Variants in PTPRD observed in about 807,000 individuals in gnomAD.
PTPRD encodes receptor-type tyrosine-protein phosphatase delta.
In PTPRD, 34 loss-of-function variants were observed where a neutral mutation model predicts 214.5. The ratio of observed to expected loss-of-function variants is 0.16; its 90% CI spans 0.12 to 0.21. The LOEUF (loss-of-function observed/expected upper bound fraction) is 0.21, where lower values mean the gene tolerates loss of function less well. Among genes scored for constraint, PTPRD ranks in the 10% least tolerant of loss-of-function variants. The pLI is 1.00. For missense variants in PTPRD, 2,545 were observed against 2,398.7 expected, an observed-to-expected ratio of 1.06 and a Z score of -1.27; for synonymous variants, 1,128 against 845.7, an observed-to-expected ratio of 1.33 and a Z score of -5.79.
intron 9 of PTPRD, among the ~76,000 whole-genome samples, chr9:9,198,851 G>A (rs1403850917): frequency 6.6e-6 from 1 of 152,132 alleles, no homozygotes; most frequent in Non-Finnish European, 1.5e-5. Flanking sequence ...TAGATGAACA[G>A]AACTTCTTAA....
chr9:8,534,439 G>A (rs2076431534), intron 14 of PTPRD, among the ~76,000 whole-genome samples: 2 of 151,786 alleles, frequency 1.3e-5, no homozygotes, highest in Admixed American at 1.3e-4. Flanking sequence ...TCACTGACAG[G>A]AATACAGATT....
chr9:9,058,921 T>C (rs1053464800), intron 10 of PTPRD, among the ~76,000 whole-genome samples: 1 of 152,082 alleles, frequency 6.6e-6, no homozygotes, highest in Non-Finnish European at 1.5e-5. Flanking sequence ...ATAATACATT[T>C]ATAGTGGAAT....
chr9:8,436,745 C>G, intron 34 of PTPRD, 56 bp from the exon 35 acceptor site: 4 of 1,356,682 alleles, frequency 2.9e-6, no homozygotes, highest in Non-Finnish European at 4.2e-6. Context: ...ATGATGCTAA[C>G]TATTCCAAAA....
chr9:9,000,053 T>G (rs964240548), intron 11 of PTPRD, among the ~76,000 whole-genome samples: 3 of 152,022 alleles, frequency 2.0e-5, no homozygotes, highest in African/African-American at 4.8e-5. Context: ...ATGCTGCTTT[T>G]ATGGGTAACT....
intron 8 of PTPRD, among the ~76,000 whole-genome samples, chr9:9,462,332 G>A (rs568744540): frequency 6.6e-6 from 1 of 152,102 alleles, no homozygotes; most frequent in Non-Finnish European, 1.5e-5. Flanking sequence ...ACATTCATTT[G>A]AAATGTGAAA....
intron 7 of PTPRD, among the ~76,000 whole-genome samples, chr9:9,606,511 G>A (rs565194054): frequency 3.9e-5 from 6 of 151,976 alleles, no homozygotes; most frequent in South Asian, 2.1e-4. Flanking sequence ...CTTGTATGGC[G>A]ATCTCCCAAT....
chr9:9,913,765 G>C (rs928160777), intron 5 of PTPRD, among the ~76,000 whole-genome samples: 3 of 152,126 alleles, frequency 2.0e-5, no homozygotes, highest in Admixed American at 6.6e-5. Context: ...AACCAGTTTA[G>C]AGAATTGCTG....
chr9:8,689,197 C>A (rs1328615085), intron 12 of PTPRD, among the ~76,000 whole-genome samples: 2 of 151,934 alleles, frequency 1.3e-5, no homozygotes, highest in Non-Finnish European at 2.9e-5. Flanking sequence ...CTAATTGATA[C>A]CAATATCATT....
At chr9:10,034,630 A>G (rs1420923407) in intron 3 of PTPRD, among the ~76,000 whole-genome samples, 2 of 151,896 alleles carry the variant, frequency 1.3e-5, no homozygotes, top group South Asian at 2.1e-4. Context: ...GTGTGTCCAT[A>G]TGTTCTCACC....
intron 2 of PTPRD, among the ~76,000 whole-genome samples, chr9:10,350,777 C>T (rs1487593435): frequency 2.0e-5 from 3 of 152,150 alleles, no homozygotes; most frequent in Admixed American, 2.0e-4. Context: ...TACATTCCAT[C>T]ATAAAGCTAA....
At chr9:9,501,564 T>C (rs1010733757) in intron 8 of PTPRD, among the ~76,000 whole-genome samples, 4 of 151,906 alleles carry the variant, frequency 2.6e-5, no homozygotes, top group Non-Finnish European at 4.4e-5. Context: ...AACAATCTTG[T>C]TCTAGTTAAT....
At chr9:9,517,215 C>A (rs529290871) in intron 8 of PTPRD, among the ~76,000 whole-genome samples, 1 of 152,168 alleles carries the variant, frequency 6.6e-6, no homozygotes, top group South Asian at 2.1e-4. Context: ...TAAGGAGACT[C>A]TCTGTGTATC....
intron 9 of PTPRD, among the ~76,000 whole-genome samples, chr9:9,342,801 G>T (rs2047324534): frequency 6.6e-6 from 1 of 151,772 alleles, no homozygotes; most frequent in Non-Finnish European, 1.5e-5. Context: ...ATGGTGGTTT[G>T]CTGCACCCAT....
At chr9:10,598,130 G>T (rs2077030960) in intron 2 of PTPRD, among the ~76,000 whole-genome samples, 1 of 148,492 alleles carries the variant, frequency 6.7e-6, no homozygotes, top group South Asian at 2.2e-4. Flanking sequence ...TTTTCTAAAT[G>T]TAGAAGATAA....
intron 7 of PTPRD, among the ~76,000 whole-genome samples, chr9:9,722,426 A>G (rs1209094539): frequency 6.6e-6 from 1 of 152,118 alleles, no homozygotes; most frequent in African/African-American, 2.4e-5. Context: ...TTGGAAAAAT[A>G]GCATTGTAAA....
chr9:8,839,807 G>C (rs1045767165), intron 11 of PTPRD, among the ~76,000 whole-genome samples: 1 of 151,460 alleles, frequency 6.6e-6, no homozygotes, highest in Non-Finnish European at 1.5e-5. Flanking sequence ...CCCAACAAAA[G>C]ACAAACAGAC....
intron 34 of PTPRD, among the ~76,000 whole-genome samples, chr9:8,439,033 T>C (rs2095453623): frequency 1.3e-5 from 2 of 152,218 alleles, no homozygotes; most frequent in Admixed American, 6.5e-5. Flanking sequence ...TATACATATA[T>C]GTATCACATG....
In PTPRD at chr9:10,256,410, AT is replaced by A. The variant is rs569397928; in HGVS notation, c.-545+84552del. On this transcript the variant is annotated intron_variant, in intron 3 of 45. Transcript: ENST00000381196. Reference sequence around the variant, plus strand: ...TGAATTACAGCTTTTTTTTTTTTTAATAAGTAGGAGTACACTCTAACATAAT... The same window carrying A: ...TGAATTACAGCTTTTTTTTTTTTTAAAAGTAGGAGTACACTCTAACATAAT... 9.4e-4 allele frequency among the ~76,000 whole-genome samples: 128 copies of A among 135,562 alleles called. 1 individual carries two copies. The South Asian group carries it at 0.027, about 28-fold the overall frequency. The allele number at this position is 135,562 out of a possible 152,430, so 88.9% of individuals were successfully genotyped here.
intron 5 of PTPRD, among the ~76,000 whole-genome samples, chr9:9,813,942 G>C (rs1469556793): frequency 1.3e-5 from 2 of 152,086 alleles, no homozygotes; most frequent in Non-Finnish European, 2.9e-5. Flanking sequence ...TTGCAAATGG[G>C]TCATTCACCA....
Sources: allele counts gnomAD v4.1 joint callset (sites outside exome capture counted in the v4.1 genomes callset), GRCh38; gene constraint gnomAD v4.1.1; transcripts MANE v1.5; gene names NCBI Gene and HGNC (gene_info 2026-07-23, HGNC 2026-07-21).